Variants in STRN3 observed in about 807,000 individuals in gnomAD.
STRN3 encodes the protein striatin 3, also known as striatin-3.
In STRN3, 29 loss-of-function variants were observed where a neutral mutation model predicts 95.6. The observed-to-expected ratio is 0.30, with a 90% CI of 0.23 to 0.41. The LOEUF (loss-of-function observed/expected upper bound fraction) is 0.41, where lower values mean the gene tolerates loss of function less well. Among genes scored for constraint, STRN3 ranks in the 10% least tolerant of loss-of-function variants. STRN3 has a pLI of 1.00. For missense variants in STRN3, 890 were observed against 972.1 expected (o/e 0.92, Z 1.12); for synonymous variants, 331 against 357.6 (o/e 0.93, Z 0.84).
intron 7 of STRN3, among the ~76,000 whole-genome samples, chr14:30,932,966 T>A (rs1878615576): frequency 6.6e-6 from 1 of 152,110 alleles, no homozygotes; most frequent in South Asian, 2.1e-4. Flanking sequence ...ATTGACAGAA[T>A]GTTATCCAGC....
rs1364044498 is a variant in STRN3 at position 30,955,751 on chromosome 14, T to A, written c.387-58A>T. ...AACTTCTTCTTTTTGTCACTCTTGC[T>A]TTATATTACTCCAATAACAAAACAT... On this transcript the variant is annotated intron_variant, in intron 2 of 17. Coordinates refer to ENST00000357479, the MANE Select transcript of STRN3 (RefSeq NM_001083893.2). The A allele has an allele frequency of 1.6e-5, 21 of 1,354,128 alleles. No individual in the cohort carries two copies. The Admixed American group carries it at 3.3e-4, about 21-fold the overall frequency. 83.9% of individuals were successfully genotyped at this position (1,354,128 alleles called of 1,614,324 possible). A position where few individuals can be genotyped will look rare whatever the true frequency, so the allele number is the denominator to read the frequency against.
intron 4 of STRN3, among the ~76,000 whole-genome samples, chr14:30,949,340 C>T (rs1431741125): frequency 3.3e-5 from 5 of 152,148 alleles, no homozygotes; most frequent in African/African-American, 4.8e-5. Flanking sequence ...AGGCCAGGTG[C>T]GGTGGCTCAC....
rs139640534 is a variant in STRN3 at position 30,928,541 on chromosome 14, G to GGT, written c.1099+658_1099+659dup. On this transcript the variant is annotated intron_variant, in intron 8 of 17. Coordinates refer to ENST00000357479, the MANE Select transcript of STRN3 (RefSeq NM_001083893.2). The stretch of plus-strand genomic sequence containing the variant: ...GGAAATGAATTGCTACTTTGAGAGA[G>GGT]GTACTATAGCAGATTTACATTTTAA... Among the ~76,000 whole-genome samples the GGT allele has an allele frequency of 1.8e-3, 275 of 152,178 alleles. 4 individuals are homozygous for GGT. In the East Asian group the frequency reaches 0.031, roughly 17 times the overall value.
intron 1 of STRN3, among the ~76,000 whole-genome samples, chr14:30,956,983 A>AC (rs978572580): frequency 1.3e-5 from 2 of 151,442 alleles, no homozygotes; most frequent in Non-Finnish European, 2.9e-5. Flanking sequence ...ACATGGTGAA[A>AC]CCCCCTCTCT....
intron 3 of STRN3, among the ~76,000 whole-genome samples, chr14:30,953,129 T>TA (rs1879733886): frequency 6.6e-6 from 1 of 152,176 alleles, no homozygotes; most frequent in African/African-American, 2.4e-5. Flanking sequence ...ACCAATCCCC[T>TA]AATGTTGAAA....
chr14:30,902,636 T>C lies in STRN3; in HGVS notation c.2037A>G (p.Gln679=), dbSNP rs1896355351. The C allele has an allele frequency of 6.3e-7, 1 of 1,577,472 alleles. No homozygotes were observed. The highest frequency in any genetic ancestry group is 1.4e-5 in the African/African-American group (1 of 73,434). The change falls in exon 16 of 18, where the codon CAA becomes CAG. Residue 679 remains glutamine, a synonymous_variant. Coordinates refer to ENST00000357479, the MANE Select transcript of STRN3 (RefSeq NM_001083893.2). ...ILSSQVDSGL[Q]SNNHINRVVS... is the part of the protein sequence containing the mutation. The stretch of plus-strand genomic sequence containing the variant: ...CTACTCTGTTGATATGATTATTAGA[T>C]TGTAAACCTGAAAAATAAAGGAAGA...
At chr14:30,971,119 G>A (rs1408503614) in intron 1 of STRN3, among the ~76,000 whole-genome samples, 1 of 152,380 alleles carries the variant, frequency 6.6e-6, no homozygotes, top group East Asian at 1.9e-4. Flanking sequence ...CTGAAGGGAT[G>A]AAGTGAGCTT....
At chr14:30,922,748 CTTTA>C (rs747514175) in intron 8 of STRN3, among the ~76,000 whole-genome samples, 73 of 152,194 alleles carry the variant, frequency 4.8e-4, no homozygotes, top group East Asian at 2.7e-3. Flanking sequence ...GCTTTCACAG[CTTTA>C]TTTAATTTAT....
intron 10 of STRN3, 65 bp from the exon 11 acceptor site, chr14:30,912,247 GTTCGT>G: frequency 6.7e-7 from 1 of 1,492,518 alleles, no homozygotes; most frequent in Non-Finnish European, 9.0e-7. Flanking sequence ...TGGAGTGTTT[GTTCGT>G]TTCTTTTTGG....
chr14:31,023,754 C>A (rs1355544571), intron 1 of STRN3, among the ~76,000 whole-genome samples: 1 of 151,562 alleles, frequency 6.6e-6, no homozygotes, highest in Non-Finnish European at 1.5e-5. Context: ...CACAAGCAAT[C>A]TCAGTAGACT....
intron 1 of STRN3, among the ~76,000 whole-genome samples, chr14:31,009,165 A>G (rs971198374): frequency 2.0e-5 from 3 of 152,158 alleles, no homozygotes; most frequent in African/African-American, 7.2e-5. Context: ...GTATCGATAT[A>G]TACATCCCAA....
chr14:30,951,244 C>CT (rs907904850), intron 3 of STRN3, among the ~76,000 whole-genome samples: 54 of 150,966 alleles, frequency 3.6e-4, no homozygotes, highest in Non-Finnish European at 4.9e-4. Flanking sequence ...GATTTTTTCT[C>CT]TTTTTTTTTG....
rs1160290267 is a variant in STRN3 at position 30,911,837 on chromosome 14, GAAA to G, written c.1551-16_1551-14del. On this transcript the variant is annotated splice_polypyrimidine_tract_variant and intron_variant, in intron 11 of 17. Coordinates refer to ENST00000357479, the MANE Select transcript of STRN3 (RefSeq NM_001083893.2). ...TAAAGAGGCACTCCTAAAAGAGGGG[GAAA>G]AAGGGTAGGGGAAGAGAAGGCAATT... The G allele has an allele frequency of 6.3e-7, 1 of 1,599,902 alleles. No homozygotes were observed. Among genetic ancestry groups the G allele is most frequent in the Admixed American group, 1.8e-5 (1 of 56,400 alleles).
intron 9 of STRN3, among the ~76,000 whole-genome samples, chr14:30,914,738 T>A (rs930136052): frequency 6.6e-6 from 1 of 152,240 alleles, no homozygotes; most frequent in African/African-American, 2.4e-5. Context: ...AAGCAAGTAA[T>A]CTTGACCACA....
In STRN3 at chr14:30,954,676, C is replaced by G. The variant is rs1288400025; in HGVS notation, c.460+944G>C. On this transcript the variant is annotated intron_variant, in intron 3 of 17. Coordinates refer to ENST00000357479, the MANE Select transcript of STRN3 (RefSeq NM_001083893.2). ...GGAACTTTTAATATTTAGGTTTATA[C>G]AGATAAAAACAGATTGTCTTGCCAC... is the stretch of plus-strand genomic sequence containing the variant. 3.9e-5 allele frequency among the ~76,000 whole-genome samples: 6 copies of G among 152,070 alleles called. No individual in the cohort carries two copies. In the South Asian group the frequency reaches 1.2e-3, roughly 31 times the overall value.
intron 1 of STRN3, among the ~76,000 whole-genome samples, chr14:30,995,424 A>T (rs945961534): frequency 3.3e-5 from 5 of 152,156 alleles, no homozygotes; most frequent in Admixed American, 3.3e-4. Flanking sequence ...CCTTGTCACT[A>T]ATAGCTTCAT....
intron 1 of STRN3, among the ~76,000 whole-genome samples, chr14:31,003,090 C>T (rs1015909360): frequency 2.0e-5 from 3 of 151,606 alleles, no homozygotes; most frequent in African/African-American, 7.3e-5. Context: ...GGTGAAACCC[C>T]GTCTCTATCA....
chr14:30,995,375 C>T (rs565779377), intron 1 of STRN3, among the ~76,000 whole-genome samples: 22 of 152,156 alleles, frequency 1.4e-4, no homozygotes, highest in Admixed American at 9.8e-4. Flanking sequence ...TTATAAAGGA[C>T]ACTAGCCTGG....
intron 6 of STRN3, 130 bp from the exon 7 acceptor site, chr14:30,935,434 G>A: frequency 1.0e-6 from 1 of 975,016 alleles, no homozygotes. Flanking sequence ...GATCTCCTAT[G>A]TAATTCACAA....
Sources: gnomAD v4.1 joint callset for allele counts (sites outside exome capture counted in the v4.1 genomes callset) on GRCh38, gnomAD v4.1.1 for gene constraint, MANE v1.5 for transcripts, NCBI Gene and HGNC (gene_info 2026-07-23, HGNC 2026-07-21) for gene names.